The following TRPM1 variants were observed in gnomAD, a reference collection of about 807,000 sequenced individuals.
The protein encoded by TRPM1 is TRPM1-203 APA Isoform, Intron 10.
A neutral mutation model predicts 149.4 loss-of-function variants in TRPM1; 113 were observed. The ratio of observed to expected loss-of-function variants is 0.76; its 90% CI spans 0.65 to 0.88. TRPM1 has a LOEUF of 0.88. Ranked by LOEUF, TRPM1 falls within the 40% of genes least tolerant of loss-of-function variation. The pLI, the probability that TRPM1 is intolerant of heterozygous loss-of-function variation, is 0.00. For missense variants in TRPM1, 1,976 were observed against 2,038.7 expected, an observed-to-expected ratio of 0.97 and a Z score of 0.59; for synonymous variants, 741 against 759.5, an observed-to-expected ratio of 0.98 and a Z score of 0.40.
chr15:31,016,989 A>ACAC (rs71106666), intron 27 of TRPM1, among the ~76,000 whole-genome samples: 2 of 72,346 alleles, frequency 2.8e-5, no homozygotes, highest in Non-Finnish European at 6.5e-5. Flanking sequence ...ACACACACAC[A>ACAC]AAAAAAAAAC....
At position 31,028,419 on chromosome 15, in the gene TRPM1, G is replaced by T. The variant is rs1299558026; in HGVS notation, c.3206C>A (p.Pro1069His). 1 of 1,613,942 alleles carries T rather than the reference G, an allele frequency of 6.2e-7. No individual in the cohort carries two copies. The highest frequency in any genetic ancestry group is 8.5e-7 in the Non-Finnish European group (1 of 1,180,018). ...GAGTGCTGGAGTGAGCCAGGCGCCG[G>T]GGATACAGGGAGGAAGCCGCTTGCC... is the stretch of plus-strand genomic sequence containing the variant. ...EEGKRLPPCI[P>H]GAWLTPALMA... The change falls in exon 25 of 28, where the codon CCC becomes CAC. Residue 1069 changes from proline (P) to histidine (H), a missense_variant. Pro to His is a moderately conservative substitution (Grantham distance 77). This residue lies in a region of TRPM1 where 72 missense variants were observed against 112.7 expected (regional missense o/e 0.64). Transcript: ENST00000256552.
At chr15:31,064,147 G>T (rs1008998233) in intron 7 of TRPM1, among the ~76,000 whole-genome samples, 1 of 152,164 alleles carries the variant, frequency 6.6e-6, no homozygotes, top group African/African-American at 2.4e-5. Context: ...TTTAACTCCT[G>T]CAGTTGTAAA....
chr15:31,103,699 G>C (rs532056426), upstream of TRPM1, among the ~76,000 whole-genome samples: 3 of 151,766 alleles, frequency 2.0e-5, no homozygotes, highest in African/African-American at 7.3e-5. Flanking sequence ...TGTAATCCCA[G>C]CTACTCGGGA....
At chr15:31,077,168 G>A (rs1371976640) in intron 2 of TRPM1, among the ~76,000 whole-genome samples, 184 bp from the exon 3 acceptor site, 1 of 152,210 alleles carries the variant, frequency 6.6e-6, no homozygotes, top group Non-Finnish European at 1.5e-5. Flanking sequence ...TGGCTTGCAA[G>A]TATGTATTTA....
At chr15:31,061,747 C>T (rs531744484) in intron 9 of TRPM1, among the ~76,000 whole-genome samples, 63 of 151,406 alleles carry the variant, frequency 4.2e-4, no homozygotes, top group Middle Eastern at 6.8e-3. Context: ...TGCAATGGCG[C>T]TATCTTGGGT....
At chr15:31,044,653 C>A (rs986328933) in intron 16 of TRPM1, among the ~76,000 whole-genome samples, 11 of 151,856 alleles carry the variant, frequency 7.2e-5, no homozygotes, top group Admixed American at 7.2e-4. Flanking sequence ...TGGTGGCATG[C>A]ACCTGCAGTC....
rs114809435 is a variant in TRPM1, at chr15:31,087,550, G to A, written c.-83-6112C>T. On this transcript the variant is annotated intron_variant, in intron 1 of 27. Transcript: ENST00000256552. ...ATTGCAGGAGTGAGCCACCATGCCC[G>A]GCCTCAATAGGGACTTTTACACTTG... 3.1e-3 allele frequency among the ~76,000 whole-genome samples: 473 copies of A among 152,050 alleles called. 6 individuals are homozygous for A. The highest frequency in any genetic ancestry group is 0.011 in the African/African-American group (448 of 41,448).
At chr15:31,106,472 C>A (rs1396034562), upstream of TRPM1, among the ~76,000 whole-genome samples, 1 of 152,162 alleles carries the variant, frequency 6.6e-6, no homozygotes, top group Non-Finnish European at 1.5e-5. Context: ...ATTGTTTTAT[C>A]CTTTCACTTT....
chr15:31,098,330 G>C (rs11070808), intron 1 of TRPM1, among the ~76,000 whole-genome samples: 101,458 of 152,066 alleles, frequency 0.67, 34,417 homozygotes, highest in East Asian at 0.96. Flanking sequence ...ATCCCAGCTA[G>C]TTGGCAGGAG....
At chr15:31,113,400 A>G (rs545807187) in intron 1 of TRPM1, among the ~76,000 whole-genome samples, 11 of 151,052 alleles carry the variant, frequency 7.3e-5, no homozygotes, top group Non-Finnish European at 1.0e-4. Flanking sequence ...AGGGTCACCT[A>G]TGCATACAGA....
intron 18 of TRPM1, among the ~76,000 whole-genome samples, chr15:31,038,670 C>T (rs976175584): frequency 1.3e-5 from 2 of 152,048 alleles, no homozygotes; most frequent in South Asian, 4.1e-4. Context: ...CGAGATCGCG[C>T]CACTGCACTC....
chr15:31,071,682 G>T (rs2034543095), intron 3 of TRPM1, among the ~76,000 whole-genome samples: 1 of 151,672 alleles, frequency 6.6e-6, no homozygotes, highest in Admixed American at 6.6e-5. Flanking sequence ...ATGTGATTCA[G>T]GCCAGGAGCA....
intron 1 of TRPM1, among the ~76,000 whole-genome samples, chr15:31,113,459 T>C (rs766808841): frequency 1.7e-4 from 26 of 151,056 alleles, no homozygotes; most frequent in African/African-American, 6.1e-4. Flanking sequence ...ATCTCTAAGG[T>C]ATAGAGATAA....
chr15:31,138,554 GTTTT>G (rs59827332), intron 1 of TRPM1, among the ~76,000 whole-genome samples: 24,465 of 152,072 alleles, frequency 0.16, 2,301 homozygotes, highest in African/African-American at 0.27. Flanking sequence ...TAACAAACAG[GTTTT>G]TTGAGTTGAA....
chr15:31,102,943 T>A (rs955370384), upstream of TRPM1, among the ~76,000 whole-genome samples: 5 of 152,166 alleles, frequency 3.3e-5, no homozygotes, highest in Admixed American at 3.3e-4. Context: ...GAGTCACGGC[T>A]TCAGCGGGAA....
chr15:31,035,855 C>T (rs569519062), intron 20 of TRPM1, 181 bp from the exon 21 acceptor site: 3 of 816,994 alleles, frequency 3.7e-6, no homozygotes, highest in East Asian at 2.7e-5. Flanking sequence ...GGAGGCAGGA[C>T]GGGAGGCATT....
intron 27 of TRPM1, among the ~76,000 whole-genome samples, chr15:31,018,270 C>T (rs1334070171): frequency 1.3e-5 from 2 of 152,052 alleles, no homozygotes; most frequent in East Asian, 1.9e-4. Context: ...AGGCTGGTCT[C>T]GAACCCCTGA....
upstream of TRPM1, among the ~76,000 whole-genome samples, chr15:31,102,520 C>G (rs2141016639): frequency 1.3e-5 from 2 of 152,274 alleles, no homozygotes; most frequent in Admixed American, 1.3e-4. Flanking sequence ...GGGGTGTTCC[C>G]ATTTTACAGA....
At chr15:31,047,373 G>A (rs987002162) in intron 14 of TRPM1, 122 bp from the exon 15 acceptor site, 1 of 1,073,080 alleles carries the variant, frequency 9.3e-7, no homozygotes, top group Non-Finnish European at 1.4e-6. Context: ...ACAGGTGGGT[G>A]GGTGGGGGAT....
Sources: allele counts gnomAD v4.1 joint callset (sites outside exome capture counted in the v4.1 genomes callset), GRCh38; gene constraint gnomAD v4.1.1; regional missense constraint gnomAD v4.1.1; transcripts MANE v1.5; gene names NCBI Gene and HGNC (gene_info 2026-07-23, HGNC 2026-07-21).